NIPA2: variants seen among roughly 807,000 people sequenced by gnomAD.
NIPA2 encodes the protein magnesium transporter NIPA2.
A neutral mutation model predicts 29.7 loss-of-function variants in NIPA2; 11 were observed. That is an observed-to-expected ratio of 0.37 (90% CI 0.23 to 0.61). The LOEUF is 0.61. NIPA2 is among the 20% of genes least tolerant of loss of function. The probability of loss-of-function intolerance (pLI) is 0.66; values close to 1 mark genes in which losing one functional copy is unlikely to be tolerated. For missense variants in NIPA2, 426 were observed against 437.9 expected (o/e 0.97, Z 0.24); for synonymous variants, 183 against 161.9 (o/e 1.13, Z -0.99).
intron 7 of NIPA2, among the ~76,000 whole-genome samples, chr15:22,861,906 T>TTTTG (rs1035432810): frequency 6.6e-6 from 1 of 151,936 alleles, no homozygotes; most frequent in Non-Finnish European, 1.5e-5. Flanking sequence ...GGCTAATTTT[T>TTTTG]TTTGTTTGTT....
chr15:22,863,642 A>C (rs2058769486), intron 7 of NIPA2, among the ~76,000 whole-genome samples: 1 of 152,228 alleles, frequency 6.6e-6, no homozygotes, highest in Non-Finnish European at 1.5e-5. Flanking sequence ...ACTACTCTAT[A>C]GTTCCCTCCT....
intron 3 of NIPA2, among the ~76,000 whole-genome samples, chr15:22,850,215 G>T (rs764927213): frequency 2.2e-4 from 33 of 151,976 alleles, no homozygotes; most frequent in Non-Finnish European, 3.8e-4. Context: ...TCACAGTTCT[G>T]TGAGTCACTG....
At chr15:22,860,216 C>T (rs2058524656) in intron 6 of NIPA2, among the ~76,000 whole-genome samples, 1 of 152,074 alleles carries the variant, frequency 6.6e-6, no homozygotes, top group Non-Finnish European at 1.5e-5. Context: ...GATGGGGTTT[C>T]ACCATGTTGG....
chr15:22,851,032 G>T (rs1357961702), intron 3 of NIPA2, among the ~76,000 whole-genome samples: 2 of 152,120 alleles, frequency 1.3e-5, no homozygotes, highest in East Asian at 1.9e-4. Flanking sequence ...CGAGGATTGA[G>T]CCCTCCAGAT....
At chr15:22,859,316 G>A (rs1208835226) in intron 6 of NIPA2, among the ~76,000 whole-genome samples, 5 of 142,254 alleles carry the variant, frequency 3.5e-5, no homozygotes, top group Non-Finnish European at 3.0e-5. Context: ...TTTTTGAGGC[G>A]GAGTCTTGCT....
intron 7 of NIPA2, among the ~76,000 whole-genome samples, chr15:22,863,372 C>T (rs2058752704): frequency 6.6e-6 from 1 of 152,268 alleles, no homozygotes; most frequent in South Asian, 2.1e-4. Flanking sequence ...GCATGAGCCA[C>T]CACACCTGGC....
rs372785064 is a variant in NIPA2 at position 22,851,549 on chromosome 15, T to C, written c.-93-90T>C. On this transcript the variant is annotated intron_variant, in intron 3 of 7. Coordinates refer to ENST00000337451, the MANE Select transcript of NIPA2 (RefSeq NM_030922.7). ...AGTAATGAAGGAGCTATTTTTTCTTTAGGGGAAGAGAAATGGAGTAAAATT... is the reference window on the plus strand; with the variant it reads ...AGTAATGAAGGAGCTATTTTTTCTTCAGGGGAAGAGAAATGGAGTAAAATT... 3.8e-5 allele frequency: 15 copies of C among 390,508 alleles called. No homozygotes were observed. The East Asian group carries it at 4.2e-4, about 11-fold the overall frequency. The allele number at this position is 390,508 out of a possible 1,614,324, so 24.2% of individuals were successfully genotyped here.
Position 22,867,165 on chromosome 15 carries a change from G to GTGA in NIPA2, c.*322_*324dup, listed in dbSNP as rs2059152566. ...ATGAAAATGCTTTATTTTTTCATTG[G>GTGA]TGATGAAAGTCTGAAATGTGCATTT... On this transcript the variant is annotated 3_prime_UTR_variant, in exon 8 of 8. Transcript: ENST00000337451. 1 of 443,732 alleles carries GTGA rather than the reference G, an allele frequency of 2.3e-6. No homozygotes were observed. The highest frequency in any genetic ancestry group is 2.0e-5 in the African/African-American group (1 of 48,958). The allele number at this position is 443,732 out of a possible 1,614,324, so 27.5% of individuals were successfully genotyped here.
chr15:22,860,775 A>G lies in NIPA2; in HGVS notation c.434A>G (p.Lys145Arg). The G allele has an allele frequency of 6.3e-7, 1 of 1,592,564 alleles. No individual in the cohort carries two copies. The highest frequency in any genetic ancestry group is 8.5e-7 in the Non-Finnish European group (1 of 1,173,926). The change falls in exon 7 of 8, where the codon AAG (lysine) becomes AGG (arginine). Residue 145 changes from lysine (K) to arginine (R), a missense_variant. This residue lies in a region of NIPA2 where 357 missense variants were observed against 339.8 expected (regional missense o/e 1.05). Transcript: ENST00000337451. ...GAGACTTTAAATGAAATGTCTCACA[A>G]GCTAGGTGATCCAGGTAAGAAAAAA... ...EIETLNEMSHKLGDPGFVVFA... is the reference protein window; with the variant it reads ...EIETLNEMSHRLGDPGFVVFA...
intron 3 of NIPA2, among the ~76,000 whole-genome samples, chr15:22,850,011 A>G (rs2057609751): frequency 6.6e-6 from 1 of 152,090 alleles, no homozygotes; most frequent in African/African-American, 2.4e-5. Flanking sequence ...AAATACACAA[A>G]AGCAGATATA....
At position 22,867,263 on chromosome 15, in the gene NIPA2, A is replaced by G; in HGVS notation, c.*416A>G. 2.5e-6 allele frequency: 1 copy of G among 400,288 alleles called. No individual in the cohort carries two copies. Among genetic ancestry groups the G allele is most frequent in the Non-Finnish European group, 4.4e-6 (1 of 227,374 alleles). 24.8% of individuals were successfully genotyped at this position (400,288 alleles called of 1,614,324 possible). ...TAAAAAAACAGAGTTATCCCAATAC[A>G]TTATCCTGTGATTTACCTTACCTAC... On this transcript the variant is annotated 3_prime_UTR_variant, in exon 8 of 8. Transcript: ENST00000337451.
At chr15:22,842,993 ACT>A (rs1396108924) in intron 2 of NIPA2, among the ~76,000 whole-genome samples, 2 of 149,492 alleles carry the variant, frequency 1.3e-5, no homozygotes, top group Admixed American at 6.7e-5. Context: ...ACAGAGTGAG[ACT>A]CTGTCTCAAA....
chr15:22,858,088 T>C (rs996225477), intron 5 of NIPA2, among the ~76,000 whole-genome samples: 2 of 152,090 alleles, frequency 1.3e-5, no homozygotes, highest in Non-Finnish European at 2.9e-5. Context: ...TACAGACCCA[T>C]AACCCTTATT....
rs34540470 is a variant in NIPA2, at chr15:22,867,971, T to TAAAA, written c.*1129_*1132dup. 1 of 152,106 alleles carries TAAAA rather than the reference T, an allele frequency of 6.6e-6. No homozygotes were observed. 9.4% of individuals were successfully genotyped at this position (152,106 alleles called of 1,614,324 possible). ...CCACTCATAACCATTGACTGGCCTT[T>TAAAA]AAAAAAAAGTATTGGCAGAATTAAT... is the stretch of plus-strand genomic sequence containing the variant. On this transcript the variant is annotated 3_prime_UTR_variant, in exon 8 of 8. Coordinates refer to ENST00000337451, the MANE Select transcript of NIPA2 (RefSeq NM_030922.7).
intron 5 of NIPA2, among the ~76,000 whole-genome samples, chr15:22,857,394 G>C (rs1183414501): frequency 6.7e-6 from 1 of 150,044 alleles, no homozygotes; most frequent in Non-Finnish European, 1.5e-5. Context: ...CCAAGATCAC[G>C]CACGCCATTG....
chr15:22,853,172 T>TA, intron 4 of NIPA2, 40 bp from the exon 5 acceptor site: 1 of 1,341,178 alleles, frequency 7.5e-7, no homozygotes, highest in Non-Finnish European at 1.1e-6. Context: ...ACAAGAGTCT[T>TA]ACAGTCTTCC....
chr15:22,855,842 A>G (rs1389182356), intron 5 of NIPA2, among the ~76,000 whole-genome samples: 3 of 152,160 alleles, frequency 2.0e-5, no homozygotes, highest in African/African-American at 7.2e-5. Context: ...TGTGAAGGCC[A>G]CGAGTGGGGA....
chr15:22,841,796 C>T (rs1294470230), intron 2 of NIPA2, among the ~76,000 whole-genome samples: 6 of 152,156 alleles, frequency 3.9e-5, no homozygotes, highest in African/African-American at 9.7e-5. Flanking sequence ...CGTGAGCCAC[C>T]GCGCCCGGCC....
In NIPA2 at chr15:22,866,492, T is replaced by TCAA. The variant is rs1275137656; in HGVS notation, c.731_733dup (p.Asn244dup). 3.1e-6 allele frequency: 5 copies of TCAA among 1,613,862 alleles called. No individual in the cohort carries two copies. The highest frequency in any genetic ancestry group is 4.2e-6 in the Non-Finnish European group (5 of 1,179,872). On this transcript the variant is annotated inframe_insertion, in exon 8 of 8. Coordinates refer to ENST00000337451, the MANE Select transcript of NIPA2 (RefSeq NM_030922.7). Reference sequence around the variant, plus strand: ...TACCTAAATAGGGCCCTGGATATATTCAACACTTCCATTGTGACTCCAATA... The same window carrying TCAA: ...TACCTAAATAGGGCCCTGGATATATTCAACAACACTTCCATTGTGACTCCAATA...
Sources: allele counts gnomAD v4.1 joint callset (sites outside exome capture counted in the v4.1 genomes callset), GRCh38; gene constraint gnomAD v4.1.1; regional missense constraint gnomAD v4.1.1; transcripts MANE v1.5; gene names NCBI Gene and HGNC (gene_info 2026-07-23, HGNC 2026-07-21).